The following SEZ6L variants were observed in gnomAD, a reference collection of about 807,000 sequenced individuals.
SEZ6L encodes seizure 6-like protein.
SEZ6L carries 37 observed loss-of-function variants against 106.2 expected under a neutral mutation model. The observed-to-expected ratio is 0.35, with a 90% CI of 0.27 to 0.46. The LOEUF (loss-of-function observed/expected upper bound fraction) is 0.46. Among genes scored for constraint, SEZ6L ranks in the 20% least tolerant of loss-of-function variants. The pLI is 1.00. For synonymous variants in SEZ6L, 541 were observed against 570.4 expected (o/e 0.95, Z 0.73); for missense variants, 1,172 against 1,332.8 (o/e 0.88, Z 1.88).
chr22:26,215,020 T>A (rs2078260425), intron 1 of SEZ6L, among the ~76,000 whole-genome samples: 3 of 152,214 alleles, frequency 2.0e-5, no homozygotes, highest in Admixed American at 2.0e-4. Flanking sequence ...GAAATGAAAG[T>A]GGTACATACT....
At chr22:26,202,577 G>A (rs1362447919) in intron 1 of SEZ6L, among the ~76,000 whole-genome samples, 1 of 152,206 alleles carries the variant, frequency 6.6e-6, no homozygotes, top group African/African-American at 2.4e-5. Flanking sequence ...AAGCTAGAGC[G>A]ACAGGAAGGT....
Position 26,296,938 on chromosome 22 carries a change from G to C in SEZ6L, c.1020G>C (p.Val340=). The C allele has an allele frequency of 7.4e-6, 12 of 1,613,318 alleles. No individual in the cohort carries two copies. Among genetic ancestry groups the C allele is most frequent in the Non-Finnish European group, 1.0e-5 (12 of 1,179,600 alleles). The change falls in exon 4 of 17, where the codon GTG becomes GTC. Residue 340 remains valine (V), a synonymous_variant. Transcript: ENST00000248933. ...GGGAACTGCTCTCCATCCGCGGGGTGGACGGCCCTACCCTGACCGTCCTGG... is the reference window on the plus strand; with the variant it reads ...GGGAACTGCTCTCCATCCGCGGGGTCGACGGCCCTACCCTGACCGTCCTGG... ...SDGELLSIRG[V]DGPTLTVLAN... is the part of the protein sequence containing the mutation.
At chr22:26,179,362 G>C (rs925886050) in intron 1 of SEZ6L, among the ~76,000 whole-genome samples, 1 of 152,152 alleles carries the variant, frequency 6.6e-6, no homozygotes, top group Non-Finnish European at 1.5e-5. Flanking sequence ...CTGCACTCTA[G>C]CCTGAGTGAC....
chr22:26,205,131 T>G (rs567354711), intron 1 of SEZ6L, among the ~76,000 whole-genome samples: 1 of 152,314 alleles, frequency 6.6e-6, no homozygotes, highest in African/African-American at 2.4e-5. Context: ...GAAGAGAAAC[T>G]CGCTTTATGT....
chr22:26,313,648 C>A, intron 8 of SEZ6L, 116 bp from the exon 9 acceptor site: 2 of 1,250,006 alleles, frequency 1.6e-6, no homozygotes, highest in Non-Finnish European at 2.3e-6. Flanking sequence ...AGACACCTGT[C>A]CACAGTACAC....
intron 1 of SEZ6L, among the ~76,000 whole-genome samples, chr22:26,246,678 T>G (rs1048057685): frequency 2.6e-5 from 4 of 152,192 alleles, no homozygotes. Flanking sequence ...CCTGGGTGGT[T>G]GCCGTTAATT....
At chr22:26,351,503 T>C in intron 12 of SEZ6L, 1 of 422,022 alleles carries the variant, frequency 2.4e-6, no homozygotes, top group Non-Finnish European at 4.1e-6. Context: ...GAGCATAGTA[T>C]ACTTTGTTTT....
At chr22:26,257,029 C>A (rs1365846971) in intron 1 of SEZ6L, among the ~76,000 whole-genome samples, 1 of 152,114 alleles carries the variant, frequency 6.6e-6, no homozygotes. Flanking sequence ...ATTTTGCTCT[C>A]CAAGGGACAT....
intron 1 of SEZ6L, among the ~76,000 whole-genome samples, chr22:26,170,969 G>T (rs1403960720): frequency 6.6e-6 from 1 of 152,206 alleles, no homozygotes; most frequent in East Asian, 1.9e-4. Flanking sequence ...GCGCGCACCT[G>T]CTTTCAGCAC....
intron 1 of SEZ6L, among the ~76,000 whole-genome samples, chr22:26,170,070 C>T (rs1224018063): frequency 6.6e-6 from 1 of 152,082 alleles, no homozygotes; most frequent in Non-Finnish European, 1.5e-5. Flanking sequence ...AGTGGGGTCG[C>T]CTCCAAACCC....
chr22:26,230,277 A>G (rs2078759258), intron 1 of SEZ6L, among the ~76,000 whole-genome samples: 1 of 151,970 alleles, frequency 6.6e-6, no homozygotes, highest in African/African-American at 2.4e-5. Context: ...CTGAGGGAGA[A>G]AAAAAGATAA....
At chr22:26,237,487 C>G (rs2078989259) in intron 1 of SEZ6L, among the ~76,000 whole-genome samples, 1 of 152,228 alleles carries the variant, frequency 6.6e-6, no homozygotes, top group East Asian at 1.9e-4. Context: ...GTTTCTTCAT[C>G]TATAAGATGG....
intron 1 of SEZ6L, among the ~76,000 whole-genome samples, chr22:26,239,494 G>A (rs1170316727): frequency 2.0e-5 from 3 of 152,172 alleles, no homozygotes; most frequent in Non-Finnish European, 4.4e-5. Flanking sequence ...ATTTTGTATA[G>A]AAGGAACTGC....
chr22:26,181,915 A>G, intron 1 of SEZ6L, among the ~76,000 whole-genome samples: 1 of 152,240 alleles, frequency 6.6e-6, no homozygotes, highest in East Asian at 1.9e-4. Context: ...AGGACCTAGA[A>G]TTGTGCTAGA....
At chr22:26,207,438 A>C (rs115361358) in intron 1 of SEZ6L, among the ~76,000 whole-genome samples, 2 of 152,238 alleles carry the variant, frequency 1.3e-5, no homozygotes, top group African/African-American at 4.8e-5. Flanking sequence ...AGTTGTTATC[A>C]GGATCAGATG....
chr22:26,288,099 A>G (rs1350984861), intron 1 of SEZ6L, among the ~76,000 whole-genome samples: 1 of 152,034 alleles, frequency 6.6e-6, no homozygotes, highest in African/African-American at 2.4e-5. Flanking sequence ...TGTTCTTTTG[A>G]CTGTATTTGG....
chr22:26,356,686 A>G (rs2083446712), intron 12 of SEZ6L, among the ~76,000 whole-genome samples: 1 of 120,204 alleles, frequency 8.3e-6, no homozygotes, highest in Non-Finnish European at 1.9e-5. Flanking sequence ...AATAATAATA[A>G]TAATAATGAC....
chr22:26,234,535 A>G (rs551304041), intron 1 of SEZ6L, among the ~76,000 whole-genome samples: 6 of 152,348 alleles, frequency 3.9e-5, no homozygotes, highest in African/African-American at 1.2e-4. Context: ...CTTGGCAGCA[A>G]AGTCAATGAC....
chr22:26,279,934 G>A (rs1302969534), intron 1 of SEZ6L, among the ~76,000 whole-genome samples: 2 of 152,132 alleles, frequency 1.3e-5, no homozygotes, highest in Admixed American at 6.6e-5. Flanking sequence ...AGGTGACAAA[G>A]GGAGTTAATT....
Sources: allele counts gnomAD v4.1 joint callset (sites outside exome capture counted in the v4.1 genomes callset), GRCh38; gene constraint gnomAD v4.1.1; transcripts MANE v1.5; gene names NCBI Gene and HGNC (gene_info 2026-07-23, HGNC 2026-07-21).